The following SAMMSON variants were observed in gnomAD, a reference collection of about 807,000 sequenced individuals.
SAMMSON encodes the protein survival associated mitochondrial melanoma specific oncogenic non-coding RNA.
chr3:70,376,281 G>A (rs1481434473), intron 9 of SAMMSON, among the ~76,000 whole-genome samples: 5 of 152,122 alleles, frequency 3.3e-5, no homozygotes, highest in South Asian at 2.1e-4. Flanking sequence ...TCTCCAGTTC[G>A]TCCTTCAACT....
intron 4 of SAMMSON, among the ~76,000 whole-genome samples, chr3:70,216,586 T>C (rs868208286): frequency 3.9e-5 from 6 of 152,102 alleles, no homozygotes; most frequent in Middle Eastern, 3.2e-3. Flanking sequence ...GGCTATACTA[T>C]CTAGATAGAG....
intron 4 of SAMMSON, among the ~76,000 whole-genome samples, chr3:70,201,051 T>C (rs1290192510): frequency 6.6e-6 from 1 of 152,176 alleles, no homozygotes; most frequent in Non-Finnish European, 1.5e-5. Flanking sequence ...TTTAAATTCT[T>C]TTTTTAACAT....
At chr3:70,152,058 TTC>T (rs1344301676) in intron 4 of SAMMSON, among the ~76,000 whole-genome samples, 3 of 152,044 alleles carry the variant, frequency 2.0e-5, no homozygotes, top group Non-Finnish European at 4.4e-5. Context: ...TAATTCCATG[TTC>T]CTTGATCCTT....
At chr3:70,072,646 G>GAAAAAAAAAAAAAAAAAAAAAAGA (rs35807309) in intron 4 of SAMMSON, 25 of 87,662 alleles carry the variant, frequency 2.9e-4, no homozygotes, top group South Asian at 8.5e-4. Context: ...AACAGCAAAG[G>GAAAAAAAAAAAAAAAAAAAAAAGA]AAAAAAAAAA....
chr3:70,331,341 T>G (rs573597267), intron 7 of SAMMSON, among the ~76,000 whole-genome samples: 2 of 152,362 alleles, frequency 1.3e-5, no homozygotes, highest in Non-Finnish European at 2.9e-5. Flanking sequence ...TCGCTAGGGC[T>G]TATGTACAGC....
In SAMMSON at chr3:70,094,958, C is replaced by G. The variant is rs145856646; in HGVS notation, n.507+23393C>G. On this transcript the variant is annotated intron_variant and non_coding_transcript_variant, in intron 4 of 9. Transcript: ENST00000642114. Reference sequence around the variant, plus strand: ...TTTCACCTAAAAAGGCAGGGCATCTCAAAGCAGGATCCCACAGGAGTCACA... The same window carrying G: ...TTTCACCTAAAAAGGCAGGGCATCTGAAAGCAGGATCCCACAGGAGTCACA... The G allele has an allele frequency of 1.7e-3, 252 of 152,332 alleles. 1 individual carries two copies. Among genetic ancestry groups the G allele is most frequent in the African/African-American group, 5.8e-3 (242 of 41,570 alleles). The allele number at this position is 152,332 out of a possible 1,614,324, so 9.4% of individuals were successfully genotyped here. A position where few individuals can be genotyped will look rare whatever the true frequency, so the allele number is the denominator to read the frequency against.
In SAMMSON at chr3:70,263,374, T is replaced by C. The variant is rs79998200; in HGVS notation, n.674+13704T>C. Among the ~76,000 whole-genome samples the C allele has an allele frequency of 4.7e-3, 717 of 152,324 alleles. 5 individuals are homozygous for C. Among genetic ancestry groups the C allele is most frequent in the Non-Finnish European group, 8.0e-3 (547 of 68,038 alleles). Reference sequence around the variant, plus strand: ...TCTTTTTAATTTTATTTTAAAACTCTTTTAGGGTAGGTCTATAGGAATAAT... The same window carrying C: ...TCTTTTTAATTTTATTTTAAAACTCCTTTAGGGTAGGTCTATAGGAATAAT... On this transcript the variant is annotated intron_variant and non_coding_transcript_variant, in intron 6 of 9. Coordinates refer to ENST00000642114, the Ensembl canonical transcript of SAMMSON.
chr3:70,398,218 G>T (rs1196705358), intron 2 of SAMMSON, among the ~76,000 whole-genome samples: 1 of 152,096 alleles, frequency 6.6e-6, no homozygotes, highest in African/African-American at 2.4e-5. Flanking sequence ...CACTTGAAAA[G>T]AAACAGCAAT....
chr3:70,125,442 C>T (rs2067452875), intron 4 of SAMMSON: 1 of 937,970 alleles, frequency 1.1e-6, no homozygotes, highest in African/African-American at 1.6e-5. Context: ...TTTTCCAATT[C>T]CCTTCTAGAA....
chr3:70,153,237 A>G (rs1319071092), intron 4 of SAMMSON, among the ~76,000 whole-genome samples: 2 of 151,960 alleles, frequency 1.3e-5, no homozygotes, highest in African/African-American at 4.8e-5. Flanking sequence ...ATGACTTTAC[A>G]AAGTCAAGAG....
chr3:70,432,621 G>C (rs78950365), intron 2 of SAMMSON, among the ~76,000 whole-genome samples: 1 of 151,852 alleles, frequency 6.6e-6, no homozygotes, highest in East Asian at 1.9e-4. Context: ...TGTTAGTATG[G>C]TCCATTTGTT....
chr3:70,263,631 A>G (rs945257044), intron 6 of SAMMSON, among the ~76,000 whole-genome samples: 1 of 152,204 alleles, frequency 6.6e-6, no homozygotes, highest in African/African-American at 2.4e-5. Context: ...TGTAGATGGT[A>G]TTCAGCAAAA....
chr3:70,361,911 G>T (rs1410143755), intron 9 of SAMMSON, among the ~76,000 whole-genome samples: 2 of 152,118 alleles, frequency 1.3e-5, no homozygotes, highest in African/African-American at 4.8e-5. Context: ...ATGCTCTGAG[G>T]ATACTACAGG....
chr3:70,134,287 A>T lies in SAMMSON; in HGVS notation n.507+62722A>T, dbSNP rs949995966. On this transcript the variant is annotated intron_variant and non_coding_transcript_variant, in intron 4 of 9. Coordinates refer to ENST00000642114, the Ensembl canonical transcript of SAMMSON. ...AAAAAAAAAAATATTAAATGAAATG[A>T]TGTATGTGAAGAAGTTTGTGCCCAG... 5.3e-5 allele frequency among the ~76,000 whole-genome samples: 8 copies of T among 151,608 alleles called. No individual in the cohort carries two copies. The East Asian group carries it at 1.5e-3, about 29-fold the overall frequency.
At position 70,401,220 on chromosome 3, in the gene SAMMSON, G is replaced by T. The variant is rs183204941; in HGVS notation, n.233+42896G>T. 3.0e-3 allele frequency among the ~76,000 whole-genome samples: 462 copies of T among 152,198 alleles called. 3 individuals are homozygous for T. The highest frequency in any genetic ancestry group is 0.01 in the African/African-American group (420 of 41,532). On this transcript the variant is annotated intron_variant and non_coding_transcript_variant, in intron 2 of 3. Coordinates refer to the SAMMSON transcript ENST00000641053. ...CAAATTAGACTCCACATTAACAGAG[G>T]TTTTCTGGATAATGTTTCATATCAT... is the stretch of plus-strand genomic sequence containing the variant.
At chr3:70,241,929 A>C (rs912119762) in intron 4 of SAMMSON, among the ~76,000 whole-genome samples, 1 of 152,338 alleles carries the variant, frequency 6.6e-6, no homozygotes, top group Admixed American at 6.5e-5. Context: ...CAAAAGTTTC[A>C]TTCTAAACTG....
intron 4 of SAMMSON, among the ~76,000 whole-genome samples, chr3:70,202,977 A>G (rs948831346): frequency 1.3e-5 from 2 of 152,038 alleles, no homozygotes; most frequent in Non-Finnish European, 2.9e-5. Context: ...TGCCCTCCCA[A>G]CTTTGGGTCT....
chr3:70,326,686 AT>A (rs1267731713), intron 7 of SAMMSON, among the ~76,000 whole-genome samples: 4 of 151,876 alleles, frequency 2.6e-5, no homozygotes, highest in African/African-American at 9.7e-5. Flanking sequence ...TTTTGAATAT[AT>A]TTTTCTCTCT....
intron 3 of SAMMSON, among the ~76,000 whole-genome samples, chr3:70,067,993 G>T (rs9815448): frequency 0.031 from 4,684 of 151,932 alleles, 223 homozygotes; most frequent in African/African-American, 0.11. Flanking sequence ...CTATAAAAAG[G>T]TATCCATATC....
Sources: gnomAD v4.1 joint callset for allele counts (sites outside exome capture counted in the v4.1 genomes callset) on GRCh38, gnomAD v4.1.1 for gene constraint, MANE v1.5 for transcripts, NCBI Gene and HGNC (gene_info 2026-07-23, HGNC 2026-07-21) for gene names.